CSNK2A1: variants seen among roughly 807,000 people sequenced by gnomAD.
CSNK2A1 encodes the protein casein kinase 2 alpha 1, also known as casein kinase II subunit alpha.
In CSNK2A1, 10 loss-of-function variants were observed where a neutral mutation model predicts 62.9. The observed-to-expected ratio is 0.16, with a 90% CI of 0.10 to 0.27. CSNK2A1 has a LOEUF of 0.27. Ranked by LOEUF, CSNK2A1 falls within the 10% of genes least tolerant of loss-of-function variation. The pLI, the probability that CSNK2A1 is intolerant of heterozygous loss-of-function variation, is 1.00. For missense variants in CSNK2A1, 160 were observed against 492.0 expected (o/e 0.33, Z 6.38); for synonymous variants, 124 against 167.8 (o/e 0.74, Z 2.02).
intron 1 of CSNK2A1, among the ~76,000 whole-genome samples, chr20:533,656 A>G (rs1410908642): frequency 6.6e-6 from 1 of 152,246 alleles, no homozygotes; most frequent in Non-Finnish European, 1.5e-5. Context: ...CGGAAGTATT[A>G]CTTCCATAAA....
chr20:508,073 G>A (rs779768526), intron 3 of CSNK2A1: 7 of 167,878 alleles, frequency 4.2e-5, no homozygotes, highest in Non-Finnish European at 8.9e-5. Flanking sequence ...TGAATGCACT[G>A]TTGATGTTAC....
rs1393308113 is a variant in CSNK2A1 at position 483,385 on chromosome 20, T to C, written c.*576A>G. 6.6e-6 allele frequency: 1 copy of C among 152,294 alleles called. No homozygotes were observed. Among genetic ancestry groups the C allele is most frequent in the African/African-American group, 2.4e-5 (1 of 41,422 alleles). The allele number at this position is 152,294 out of a possible 1,614,324, so 9.4% of individuals were successfully genotyped here. On this transcript the variant is annotated 3_prime_UTR_variant, in exon 14 of 14. Transcript: ENST00000217244. ...TAAGACACACTTCCACAAGAGCCAC[T>C]AGGATAACCCCACTGAAGCGCTTAT...
chr20:533,647 G>A (rs918016600), intron 1 of CSNK2A1, among the ~76,000 whole-genome samples: 6 of 152,126 alleles, frequency 3.9e-5, no homozygotes, highest in Admixed American at 2.6e-4. Context: ...ACCAATACAC[G>A]GAAGTATTAC....
In CSNK2A1 at chr20:481,028, G is replaced by T. The variant is rs779410886; in HGVS notation, c.*2933C>A. 1 of 152,152 alleles carries T rather than the reference G, an allele frequency of 6.6e-6. No individual in the cohort carries two copies. Among genetic ancestry groups the T allele is most frequent in the African/African-American group, 2.4e-5 (1 of 41,428 alleles). The allele number at this position is 152,152 out of a possible 1,614,324, so 9.4% of individuals were successfully genotyped here. A position where few individuals can be genotyped will look rare whatever the true frequency, so the allele number is the denominator to read the frequency against. ...ACAGGCATTTCAAGTACAAGAAACA[G>T]AATTCAAAACGTGAAAACGGAGCCA... is the stretch of plus-strand genomic sequence containing the variant. On this transcript the variant is annotated 3_prime_UTR_variant, in exon 14 of 14. Coordinates refer to ENST00000217244, the MANE Select transcript of CSNK2A1 (RefSeq NM_177559.3).
At chr20:509,958 TA>T (rs1219876590) in intron 2 of CSNK2A1, among the ~76,000 whole-genome samples, 1 of 152,142 alleles carries the variant, frequency 6.6e-6, no homozygotes, top group Admixed American at 6.5e-5. Context: ...ACTATACTTC[TA>T]AAACATGTCC....
Position 480,243 on chromosome 20 carries a change from T to C in CSNK2A1, c.*3718A>G, listed in dbSNP as rs1449149210. On this transcript the variant is annotated 3_prime_UTR_variant, in exon 14 of 14. Coordinates refer to ENST00000217244, the MANE Select transcript of CSNK2A1 (RefSeq NM_177559.3). ...AATACTTCCATTTACTTTGTGTGTG[T>C]GTGTGTGTGTGTGTGGGTGGGTGGG... 2 of 151,054 alleles carry C rather than the reference T, an allele frequency of 1.3e-5. No homozygotes were observed. The highest frequency in any genetic ancestry group is 1.3e-4 in the Admixed American group (2 of 15,212). The allele number at this position is 151,054 out of a possible 1,614,324, so 9.4% of individuals were successfully genotyped here.
intron 2 of CSNK2A1, among the ~76,000 whole-genome samples, chr20:524,563 A>G (rs547646066): frequency 3.1e-4 from 47 of 150,540 alleles, no homozygotes; most frequent in African/African-American, 1.1e-3. Context: ...AAACAACAAC[A>G]ACAACAAAAC....
chr20:519,600 T>A (rs2018902532), intron 2 of CSNK2A1, among the ~76,000 whole-genome samples: 1 of 152,104 alleles, frequency 6.6e-6, no homozygotes, highest in Non-Finnish European at 1.5e-5. Flanking sequence ...GCAGATTATA[T>A]TCAAAGAGCA....
At chr20:516,698 A>T (rs1417152281) in intron 2 of CSNK2A1, among the ~76,000 whole-genome samples, 1 of 152,230 alleles carries the variant, frequency 6.6e-6, no homozygotes, top group East Asian at 1.9e-4. Context: ...AAACTATACA[A>T]ACAAGTTTGC....
At position 537,778 on chromosome 20, in the gene CSNK2A1, G is replaced by T. The variant is rs554994689; in HGVS notation, c.-227+5894C>A. 7.9e-5 allele frequency among the ~76,000 whole-genome samples: 12 copies of T among 152,204 alleles called. 1 individual carries two copies. In the East Asian group the frequency reaches 2.3e-3, roughly 29 times the overall value. On this transcript the variant is annotated intron_variant, in intron 1 of 13. Coordinates refer to ENST00000217244, the MANE Select transcript of CSNK2A1 (RefSeq NM_177559.3). ...CTTATCCAGGTTACCCACGAATTGT[G>T]ACAGATCAAAACCCAGTTTCTCATT...
At position 474,404 on chromosome 20, in the gene CSNK2A1, GA is replaced by G. The variant is rs2017808274; in HGVS notation, c.*9556del. ...TGAATCAGGAATTGAGACGAGATGG[GA>G]AGGCATCAAGACCAGTTATCTGCTA... On this transcript the variant is annotated 3_prime_UTR_variant, in exon 14 of 14. Transcript: ENST00000217244. The G allele has an allele frequency of 6.6e-6, 1 of 152,124 alleles. No homozygotes were observed. The highest frequency in any genetic ancestry group is 6.6e-5 in the Admixed American group (1 of 15,262). 9.4% of individuals were successfully genotyped at this position (152,124 alleles called of 1,614,324 possible). A position where few individuals can be genotyped will look rare whatever the true frequency, so the allele number is the denominator to read the frequency against.
At chr20:486,681 A>G in intron 12 of CSNK2A1, 1 of 511,284 alleles carries the variant, frequency 2.0e-6, no homozygotes. Context: ...CTAACCTTTC[A>G]ATCAAATGGT....
chr20:531,878 C>CA (rs2019220057), intron 1 of CSNK2A1, among the ~76,000 whole-genome samples: 1 of 152,160 alleles, frequency 6.6e-6, no homozygotes, highest in African/African-American at 2.4e-5. Context: ...AACAGTTTTA[C>CA]AAAAGGGAAC....
chr20:527,569 T>C (rs1216108729), intron 2 of CSNK2A1, among the ~76,000 whole-genome samples: 1 of 152,214 alleles, frequency 6.6e-6, no homozygotes, highest in African/African-American at 2.4e-5. Flanking sequence ...ATTCCCATCT[T>C]TCTCCAAAAC....
intron 1 of CSNK2A1, among the ~76,000 whole-genome samples, chr20:531,122 T>C (rs964644685): frequency 2.6e-5 from 4 of 152,128 alleles, no homozygotes; most frequent in Admixed American, 6.5e-5. Context: ...GAATTATGTA[T>C]TAAAATTTTT....
At position 543,653 on chromosome 20, in the gene CSNK2A1, C is replaced by G. The variant is rs1277844158; in HGVS notation, c.-227+19G>C. The G allele has an allele frequency of 2.5e-6, 1 of 397,962 alleles. No individual in the cohort carries two copies. Among genetic ancestry groups the G allele is most frequent in the Non-Finnish European group, 4.4e-6 (1 of 226,108 alleles). The allele number at this position is 397,962 out of a possible 1,614,324, so 24.7% of individuals were successfully genotyped here. On this transcript the variant is annotated intron_variant, in intron 1 of 13. Coordinates refer to ENST00000217244, the MANE Select transcript of CSNK2A1 (RefSeq NM_177559.3). ...CCACCCCACCCGCCAACGACCTCGC[C>G]TGGCTGCTCCCTAGGTACCTGTGGT...
At chr20:529,596 T>C (rs1057074053) in intron 1 of CSNK2A1, among the ~76,000 whole-genome samples, 14 of 152,206 alleles carry the variant, frequency 9.2e-5, no homozygotes, top group Non-Finnish European at 1.9e-4. Context: ...AGTGCTTCCT[T>C]TAAGTAAAAA....
At chr20:490,353 G>GTTTTTTTTTTTTT (rs373775413) in intron 9 of CSNK2A1, among the ~76,000 whole-genome samples, 12 of 53,486 alleles carry the variant, frequency 2.2e-4, no homozygotes, top group African/African-American at 1.3e-3. Flanking sequence ...TTTTTTTTTA[G>GTTTTTTTTTTTTT]TTTTTTTTTT....
rs967818432 is a variant in CSNK2A1, at chr20:484,883, A to G, written c.1061-807T>C. Among the ~76,000 whole-genome samples the G allele has an allele frequency of 3.3e-5, 5 of 151,110 alleles. No homozygotes were observed. In the South Asian group the frequency reaches 8.4e-4, roughly 25 times the overall value. ...GGAGTTCAAGACCAGCCTGGCCAAC[A>G]TGGTGAAACCCCATCTCTACTAAAA... On this transcript the variant is annotated intron_variant, in intron 13 of 13. Transcript: ENST00000217244.
Sources: gnomAD v4.1 joint callset for allele counts (sites outside exome capture counted in the v4.1 genomes callset) on GRCh38, gnomAD v4.1.1 for gene constraint, MANE v1.5 for transcripts, NCBI Gene and HGNC (gene_info 2026-07-23, HGNC 2026-07-21) for gene names.